The following PPM1H variants were observed in gnomAD, a reference collection of about 807,000 sequenced individuals.
The protein encoded by PPM1H is protein phosphatase 1H.
PPM1H carries 27 observed loss-of-function variants against 54.9 expected under a neutral mutation model. That is an observed-to-expected ratio of 0.49 (90% CI 0.36 to 0.68). PPM1H has a LOEUF of 0.68. Ranked by LOEUF, PPM1H falls within the 30% of genes least tolerant of loss-of-function variation. The probability of loss-of-function intolerance (pLI) is 0.00; values close to 1 mark genes in which losing one functional copy is unlikely to be tolerated. For synonymous variants in PPM1H, 305 were observed against 270.8 expected (o/e 1.13, Z -1.24); for missense variants, 596 against 667.8 (o/e 0.89, Z 1.19).
chr12:62,848,604 G>C (rs1181844521), intron 1 of PPM1H, among the ~76,000 whole-genome samples: 1 of 152,166 alleles, frequency 6.6e-6, no homozygotes, highest in African/African-American at 2.4e-5. Flanking sequence ...TCTGAGCAAA[G>C]CTCCCAAGTG....
intron 4 of PPM1H, among the ~76,000 whole-genome samples, chr12:62,743,192 A>C (rs889259976): frequency 6.6e-6 from 1 of 152,104 alleles, no homozygotes; most frequent in African/African-American, 2.4e-5. Flanking sequence ...CTCTACTAAA[A>C]AAATACAAAA....
At position 62,840,710 on chromosome 12, in the gene PPM1H, T is replaced by A. The variant is rs76160415; in HGVS notation, c.246-8431A>T. The stretch of plus-strand genomic sequence containing the variant: ...AGAGGTGTAGGGTGTGACCTAAGTA[T>A]TGGCTTGGTGAGGGAGCTACATCAG... On this transcript the variant is annotated intron_variant, in intron 1 of 9. Transcript: ENST00000228705. Among the ~76,000 whole-genome samples, 41 of 152,290 alleles carry A rather than the reference T, an allele frequency of 2.7e-4. No homozygotes were observed. In the East Asian group the frequency reaches 7.7e-3, roughly 29 times the overall value.
At chr12:62,909,549 C>T (rs542587056) in intron 1 of PPM1H, among the ~76,000 whole-genome samples, 1 of 152,316 alleles carries the variant, frequency 6.6e-6, no homozygotes, top group South Asian at 2.1e-4. Context: ...GGCCAGCACA[C>T]TCTTAAGCCC....
At chr12:62,831,521 T>C (rs531050857) in intron 2 of PPM1H, among the ~76,000 whole-genome samples, 1 of 152,088 alleles carries the variant, frequency 6.6e-6, no homozygotes, top group African/African-American at 2.4e-5. Flanking sequence ...AGATATTTAT[T>C]TGGAAGAACA....
intron 9 of PPM1H, among the ~76,000 whole-genome samples, chr12:62,665,079 A>G (rs1471058715): frequency 6.7e-6 from 1 of 149,704 alleles, no homozygotes; most frequent in East Asian, 2.0e-4. Context: ...ACAGAGTCTC[A>G]CTCTTTCACC....
At chr12:62,866,827 G>C (rs1869792176) in intron 1 of PPM1H, among the ~76,000 whole-genome samples, 1 of 151,902 alleles carries the variant, frequency 6.6e-6, no homozygotes, top group South Asian at 2.1e-4. Context: ...GTACAGCACT[G>C]TTCCCCTTTC....
At chr12:62,709,700 T>TA (rs1444239750) in intron 6 of PPM1H, among the ~76,000 whole-genome samples, 17 of 152,244 alleles carry the variant, frequency 1.1e-4, no homozygotes, top group African/African-American at 4.1e-4. Flanking sequence ...TATTTATACA[T>TA]ATGTCCCAAC....
chr12:62,670,574 T>C (rs2075951586), intron 8 of PPM1H, among the ~76,000 whole-genome samples: 1 of 152,178 alleles, frequency 6.6e-6, no homozygotes, highest in Admixed American at 6.5e-5. Context: ...CAAGCTGAAG[T>C]TGTCTTGTCC....
rs549977285 is a variant in PPM1H, at chr12:62,825,185, T to G, written c.411+6929A>C. On this transcript the variant is annotated intron_variant, in intron 2 of 9. Transcript: ENST00000228705. ...AGAGAAATACAAATCAGAACCACAA[T>G]GAGATACCATCTCACACCAGTTAGA... Among the ~76,000 whole-genome samples, 310 of 152,208 alleles carry G rather than the reference T, an allele frequency of 2.0e-3. 4 individuals are homozygous for G. The highest frequency in any genetic ancestry group is 0.019 in the Admixed American group (288 of 15,288).
At chr12:62,651,473 G>T (rs1447857308) in intron 9 of PPM1H, among the ~76,000 whole-genome samples, 3 of 152,142 alleles carry the variant, frequency 2.0e-5, no homozygotes, top group Non-Finnish European at 4.4e-5. Flanking sequence ...TAGTGACTTT[G>T]CATATTTTTT....
intron 1 of PPM1H, among the ~76,000 whole-genome samples, chr12:62,924,985 T>C (rs931334734): frequency 2.6e-5 from 4 of 152,014 alleles, no homozygotes; most frequent in African/African-American, 4.8e-5. Context: ...AGAGGCTGCG[T>C]TGAACCTGGA....
rs1592552268 is a variant in PPM1H at position 62,702,582 on chromosome 12, A to AG, written c.1074-8584_1074-8583insC. On this transcript the variant is annotated intron_variant, in intron 6 of 9. Transcript: ENST00000228705. Reference sequence around the variant, plus strand: ...AGAGAGAGAGAGAGAGAGAGAGAGAAATACCACTTGTTTCCCTAAGTCTTA... The same window carrying AG: ...AGAGAGAGAGAGAGAGAGAGAGAGAAGATACCACTTGTTTCCCTAAGTCTTA... Among the ~76,000 whole-genome samples the AG allele has an allele frequency of 9.1e-5, 8 of 87,634 alleles. No individual in the cohort carries two copies. In the East Asian group the frequency reaches 2.4e-3, roughly 26 times the overall value. The allele number at this position is 87,634 out of a possible 152,430, so 57.5% of individuals were successfully genotyped here.
At chr12:62,775,436 G>A (rs11174641) in intron 4 of PPM1H, among the ~76,000 whole-genome samples, 19,209 of 152,216 alleles carry the variant, frequency 0.13, 1,583 homozygotes, top group Admixed American at 0.17. Context: ...ATTTGTGTAA[G>A]ATTCTACCAG....
intron 6 of PPM1H, among the ~76,000 whole-genome samples, chr12:62,715,698 G>A (rs902315045): frequency 5.3e-5 from 8 of 152,098 alleles, no homozygotes; most frequent in South Asian, 2.1e-4. Flanking sequence ...ACTGAGTGCC[G>A]GCGTGGTGCT....
intron 9 of PPM1H, chr12:62,659,097 T>C (rs2075864663): frequency 1.4e-6 from 1 of 730,944 alleles, no homozygotes; most frequent in African/African-American, 1.7e-5. Context: ...ATGCAACAAA[T>C]CTTACTGTGC....
intron 1 of PPM1H, among the ~76,000 whole-genome samples, chr12:62,865,172 C>T (rs1869731216): frequency 6.6e-6 from 1 of 152,146 alleles, no homozygotes; most frequent in African/African-American, 2.4e-5. Context: ...AGAAGCCCCT[C>T]CTAAGAAGGT....
At chr12:62,720,364 T>G in intron 5 of PPM1H, 75 bp from the exon 6 acceptor site, 1 of 1,213,936 alleles carries the variant, frequency 8.2e-7, no homozygotes, top group Non-Finnish European at 1.2e-6. Context: ...CAAGGATGTT[T>G]TGCAAATTGA....
chr12:62,910,909 A>G (rs1232583881), intron 1 of PPM1H, among the ~76,000 whole-genome samples: 1 of 152,222 alleles, frequency 6.6e-6, no homozygotes, highest in Non-Finnish European at 1.5e-5. Flanking sequence ...GTTAAATAAT[A>G]ATGGAAGGTT....
intron 8 of PPM1H, among the ~76,000 whole-genome samples, chr12:62,677,288 G>A (rs2075993108): frequency 1.3e-5 from 2 of 152,232 alleles, no homozygotes; most frequent in Admixed American, 1.3e-4. Context: ...AGGACCCACT[G>A]AATGGCGGGA....
Sources: allele counts gnomAD v4.1 joint callset (sites outside exome capture counted in the v4.1 genomes callset), GRCh38; gene constraint gnomAD v4.1.1; transcripts MANE v1.5; gene names NCBI Gene and HGNC (gene_info 2026-07-23, HGNC 2026-07-21).